The following VWA3B variants were observed in gnomAD, a reference collection of about 807,000 sequenced individuals.
The protein encoded by VWA3B is von Willebrand factor A domain containing 3B, also known as von Willebrand factor A domain-containing protein 3B.
In VWA3B, 138 loss-of-function variants were observed where a neutral mutation model predicts 158.3. The ratio of observed to expected loss-of-function variants is 0.87; its 90% CI spans 0.76 to 1.00. VWA3B has a LOEUF of 1.00. VWA3B is among the 50% of genes least tolerant of loss of function. The pLI is 0.00. For synonymous variants in VWA3B, 596 were observed against 587.3 expected, an observed-to-expected ratio of 1.01 and a Z score of -0.21; for missense variants, 1,555 against 1,565.1, an observed-to-expected ratio of 0.99 and a Z score of 0.11.
chr2:98,283,774 A>G (rs1171405498), intron 22 of VWA3B, among the ~76,000 whole-genome samples: 1 of 152,232 alleles, frequency 6.6e-6, no homozygotes, highest in Non-Finnish European at 1.5e-5. Context: ...AGGAAGTGGT[A>G]GAGATTATTT....
At chr2:98,144,146 T>C (rs1446101896) in intron 7 of VWA3B, among the ~76,000 whole-genome samples, 1 of 152,178 alleles carries the variant, frequency 6.6e-6, no homozygotes, top group African/African-American at 2.4e-5. Context: ...TGCATATATA[T>C]GTATGGATGG....
intron 2 of VWA3B, among the ~76,000 whole-genome samples, chr2:98,113,411 T>C (rs1014562434): frequency 2.6e-5 from 4 of 152,172 alleles, no homozygotes; most frequent in African/African-American, 9.7e-5. Flanking sequence ...ATTCCACTGA[T>C]ACTGTATTTT....
intron 14 of VWA3B, among the ~76,000 whole-genome samples, chr2:98,221,280 C>A (rs1684480593): frequency 6.6e-6 from 1 of 152,158 alleles, no homozygotes. Flanking sequence ...CAAGCACTGA[C>A]AAAGAAAGCT....
chr2:98,163,601 A>G (rs1166595868), intron 8 of VWA3B, among the ~76,000 whole-genome samples: 1 of 152,172 alleles, frequency 6.6e-6, no homozygotes, highest in African/African-American at 2.4e-5. Flanking sequence ...CTTGTATACT[A>G]AGGAAAACCA....
At chr2:98,096,170 T>TCA (rs1252786669) in intron 2 of VWA3B, among the ~76,000 whole-genome samples, 28 of 152,330 alleles carry the variant, frequency 1.8e-4, no homozygotes, top group African/African-American at 6.5e-4. Flanking sequence ...TCTTCAAGTT[T>TCA]TTGGGAAGAG....
chr2:98,197,715 CT>C (rs1180857713), intron 12 of VWA3B, among the ~76,000 whole-genome samples: 4 of 152,148 alleles, frequency 2.6e-5, no homozygotes, highest in Non-Finnish European at 4.4e-5. Context: ...ATTGGGAATT[CT>C]TTTATGCTGC....
At chr2:98,292,888 C>G (rs1689581019) in intron 23 of VWA3B, among the ~76,000 whole-genome samples, 1 of 151,872 alleles carries the variant, frequency 6.6e-6, no homozygotes, top group African/African-American at 2.4e-5. Context: ...CGCTTGAACC[C>G]AGAAGACAGA....
At chr2:98,230,246 C>G in intron 16 of VWA3B, 39 bp downstream of exon 16, 1 of 1,483,918 alleles carries the variant, frequency 6.7e-7, no homozygotes, top group Non-Finnish European at 8.9e-7. Flanking sequence ...TTGCTGGTTT[C>G]TCTTCAAGGC....
At chr2:98,101,905 T>G (rs1683100480) in intron 2 of VWA3B, among the ~76,000 whole-genome samples, 1 of 152,086 alleles carries the variant, frequency 6.6e-6, no homozygotes, top group Non-Finnish European at 1.5e-5. Context: ...TGATCATTCT[T>G]GGGTGTTTCT....
downstream of VWA3B, among the ~76,000 whole-genome samples, chr2:98,315,671 A>G (rs17500893): frequency 0.039 from 5,941 of 152,346 alleles, 167 homozygotes; most frequent in Middle Eastern, 0.075. Context: ...GCATTTCCAC[A>G]TAGATGAAAA....
intron 8 of VWA3B, among the ~76,000 whole-genome samples, chr2:98,180,375 A>G (rs1306208329): frequency 6.6e-6 from 1 of 152,178 alleles, no homozygotes; most frequent in African/African-American, 2.4e-5. Flanking sequence ...TATTTTTGGT[A>G]GAGATGCGGT....
chr2:98,156,235 A>G (rs1304964740), intron 7 of VWA3B, among the ~76,000 whole-genome samples: 1 of 152,236 alleles, frequency 6.6e-6, no homozygotes, highest in Non-Finnish European at 1.5e-5. Context: ...TGAGTGAATG[A>G]TGATTCTCCA....
intron 12 of VWA3B, among the ~76,000 whole-genome samples, chr2:98,200,038 T>C (rs998750693): frequency 1.3e-5 from 2 of 152,244 alleles, no homozygotes; most frequent in Non-Finnish European, 2.9e-5. Context: ...TGTTTTATTT[T>C]AGACATTCTA....
intron 14 of VWA3B, among the ~76,000 whole-genome samples, chr2:98,223,678 G>A (rs990461004): frequency 2.0e-5 from 3 of 152,180 alleles, no homozygotes; most frequent in African/African-American, 4.8e-5. Context: ...TAGTTTTCAA[G>A]TATGAAAGGA....
intron 17 of VWA3B, among the ~76,000 whole-genome samples, chr2:98,235,579 A>T (rs1313403850): frequency 6.6e-6 from 1 of 152,066 alleles, no homozygotes; most frequent in East Asian, 1.9e-4. Context: ...GCAGCCGCCA[A>T]CAGGCCAAGC....
At chr2:98,262,441 T>C (rs1256631109) in intron 21 of VWA3B, among the ~76,000 whole-genome samples, 4 of 151,860 alleles carry the variant, frequency 2.6e-5, no homozygotes, top group Non-Finnish European at 4.4e-5. Context: ...AGTTAGTTTT[T>C]ATATATGTTT....
At chr2:98,186,963 T>A (rs1681123150) in intron 9 of VWA3B, among the ~76,000 whole-genome samples, 1 of 151,754 alleles carries the variant, frequency 6.6e-6, no homozygotes, top group African/African-American at 2.4e-5. Context: ...TCTCTCACTC[T>A]CTCTTCCCTC....
intron 1 of VWA3B, 88 bp from the exon 2 acceptor site, chr2:98,092,973 T>C (rs1682453196): frequency 1.2e-5 from 10 of 851,090 alleles, no homozygotes; most frequent in Non-Finnish European, 1.8e-5. Context: ...TTCATGGGTG[T>C]ACTATAATTT....
chr2:98,282,379 A>T (rs973331149), intron 22 of VWA3B, among the ~76,000 whole-genome samples: 13 of 151,854 alleles, frequency 8.6e-5, no homozygotes. Context: ...CCAGAAATGA[A>T]TTCTTGCCAA....
Sources: allele counts gnomAD v4.1 joint callset (sites outside exome capture counted in the v4.1 genomes callset), GRCh38; gene constraint gnomAD v4.1.1; transcripts MANE v1.5; gene names NCBI Gene and HGNC (gene_info 2026-07-23, HGNC 2026-07-21).